Variants in DNAJB6 observed in about 807,000 individuals in gnomAD.
The protein encoded by DNAJB6 is dnaJ homolog subfamily B member 6.
Under a neutral mutation model 42.7 loss-of-function variants are expected in DNAJB6, and 16 were observed. The ratio of observed to expected loss-of-function variants is 0.37; its 90% CI spans 0.25 to 0.57. The LOEUF (loss-of-function observed/expected upper bound fraction) is 0.57, where lower values mean the gene tolerates loss of function less well. DNAJB6 is among the 20% of genes least tolerant of loss of function. The probability of loss-of-function intolerance (pLI) is 0.74; values close to 1 mark genes in which losing one functional copy is unlikely to be tolerated. For missense variants in DNAJB6, 347 were observed against 416.8 expected, an observed-to-expected ratio of 0.83 and a Z score of 1.46; for synonymous variants, 170 against 163.5, an observed-to-expected ratio of 1.04 and a Z score of -0.30.
chr7:157,395,169 C>T (rs1282532008), intron 8 of DNAJB6, among the ~76,000 whole-genome samples: 1 of 152,092 alleles, frequency 6.6e-6, no homozygotes, highest in Non-Finnish European at 1.5e-5. Context: ...CCGGTATTAC[C>T]AGGGCTGGAA....
chr7:157,373,373 CAG>C (rs895331893), intron 5 of DNAJB6, among the ~76,000 whole-genome samples: 7 of 152,178 alleles, frequency 4.6e-5, no homozygotes, highest in African/African-American at 1.7e-4. Context: ...CGCTCTGAGA[CAG>C]AGTTTTGCTC....
intron 2 of DNAJB6, among the ~76,000 whole-genome samples, chr7:157,360,660 T>A (rs750534339): frequency 6.6e-6 from 1 of 152,242 alleles, no homozygotes; most frequent in Non-Finnish European, 1.5e-5. Flanking sequence ...GTATAAATGC[T>A]GACTTTTAAA....
chr7:157,382,218 C>A (rs763581069), intron 5 of DNAJB6, 28 bp from the exon 6 acceptor site: 1 of 1,558,340 alleles, frequency 6.4e-7, no homozygotes, highest in South Asian at 1.2e-5. Context: ...AAAAAGACTT[C>A]ATAGTGTGTG....
In DNAJB6 at chr7:157,382,146, G is replaced by A. The variant is rs908350544; in HGVS notation, c.347-100G>A. On this transcript the variant is annotated intron_variant, in intron 5 of 9. Coordinates refer to ENST00000262177, the MANE Select transcript of DNAJB6 (RefSeq NM_058246.4). The stretch of plus-strand genomic sequence containing the variant: ...AAAACCTCTTAAGTTTTTTGTTCCT[G>A]AATATGTTACAAACATCTATTTTCT... The A allele has an allele frequency of 3.5e-5, 47 of 1,352,852 alleles. 1 individual carries two copies. Among genetic ancestry groups the A allele is most frequent in the Non-Finnish European group, 4.5e-5 (46 of 1,013,302 alleles). 83.8% of individuals were successfully genotyped at this position (1,352,852 alleles called of 1,614,324 possible). A position where few individuals can be genotyped will look rare whatever the true frequency, so the allele number is the denominator to read the frequency against.
intron 9 of DNAJB6, among the ~76,000 whole-genome samples, 168 bp from the exon 10 acceptor site, chr7:157,415,848 G>A (rs1279034589): frequency 6.6e-6 from 1 of 152,224 alleles, no homozygotes; most frequent in African/African-American, 2.4e-5. Flanking sequence ...AGTTCTCAAC[G>A]TGCACCTTGG....
intron 8 of DNAJB6, among the ~76,000 whole-genome samples, chr7:157,398,864 A>G (rs182575662): frequency 6.6e-6 from 1 of 152,360 alleles, no homozygotes; most frequent in East Asian, 1.9e-4. Flanking sequence ...TGTTTTTTCT[A>G]CAACTAATGT....
intron 8 of DNAJB6, among the ~76,000 whole-genome samples, chr7:157,400,236 G>GTACGCACT (rs1801784367): frequency 2.0e-5 from 3 of 149,124 alleles, no homozygotes; most frequent in Non-Finnish European, 3.0e-5. Context: ...CCGCGCCTTT[G>GTACGCACT]TGTATGTGCT....
intron 8 of DNAJB6, among the ~76,000 whole-genome samples, chr7:157,403,074 C>T (rs1356099714): frequency 3.9e-5 from 6 of 152,188 alleles, no homozygotes; most frequent in Non-Finnish European, 5.9e-5. Context: ...GGCGTCCCTA[C>T]ACGCAAGATG....
intron 6 of DNAJB6, among the ~76,000 whole-genome samples, chr7:157,383,611 TTGTGTGTGTG>T (rs57002445): frequency 0.046 from 6,861 of 149,628 alleles, 144 homozygotes; most frequent in Middle Eastern, 0.066. Context: ...GTATGTGTGT[TTGTGTGTGTG>T]TGTGTGTGTG....
intron 1 of DNAJB6, among the ~76,000 whole-genome samples, chr7:157,345,493 T>A (rs1798638165): frequency 6.6e-6 from 1 of 151,936 alleles, no homozygotes; most frequent in Non-Finnish European, 1.5e-5. Flanking sequence ...TTTTTTTATC[T>A]TTTTGTAGAG....
intron 6 of DNAJB6, among the ~76,000 whole-genome samples, chr7:157,383,990 G>A (rs2117084999): frequency 6.6e-6 from 1 of 152,252 alleles, no homozygotes; most frequent in Non-Finnish European, 1.5e-5. Flanking sequence ...TAACATACCT[G>A]GTTCACATAT....
At chr7:157,351,350 C>T (rs116761179) in intron 1 of DNAJB6, among the ~76,000 whole-genome samples, 1,688 of 152,070 alleles carry the variant, frequency 0.011, 31 homozygotes, top group East Asian at 0.06. Context: ...TGTTGTGGGC[C>T]GGGCACGGTG....
Position 157,403,842 on chromosome 7 carries a change from C to T in DNAJB6, c.692-5953C>T, listed in dbSNP as rs184548152. On this transcript the variant is annotated intron_variant, in intron 8 of 9. Coordinates refer to ENST00000262177, the MANE Select transcript of DNAJB6 (RefSeq NM_058246.4). The stretch of plus-strand genomic sequence containing the variant: ...AAGCGCAGCCCACCCTGTGTGGACT[C>T]GCAGCGGAAGCAGAGGCTGCTCCAG... Among the ~76,000 whole-genome samples the T allele has an allele frequency of 3.2e-4, 48 of 152,276 alleles. 1 individual carries two copies. Among genetic ancestry groups the T allele is most frequent in the Middle Eastern group, 6.8e-3 (2 of 294 alleles).
At chr7:157,345,361 G>A (rs1456095958) in intron 1 of DNAJB6, among the ~76,000 whole-genome samples, 2 of 152,038 alleles carry the variant, frequency 1.3e-5, no homozygotes, top group African/African-American at 4.8e-5. Context: ...TCTTGTCCAA[G>A]TTGGAGTGCA....
chr7:157,392,980 A>T (rs1392888656), intron 8 of DNAJB6, among the ~76,000 whole-genome samples: 2 of 151,790 alleles, frequency 1.3e-5, no homozygotes. Context: ...TATTATATTT[A>T]TTTTTTTGAG....
chr7:157,353,586 G>GGTGT (rs370854040), intron 1 of DNAJB6, among the ~76,000 whole-genome samples: 36,180 of 139,812 alleles, frequency 0.26, 5,183 homozygotes, highest in Admixed American at 0.34. Context: ...TCTTGACCGG[G>GGTGT]GTGTGTGTGT....
intron 8 of DNAJB6, among the ~76,000 whole-genome samples, chr7:157,405,632 G>A (rs1008749237): frequency 3.3e-5 from 5 of 152,198 alleles, no homozygotes; most frequent in Admixed American, 6.5e-5. Context: ...CTGTCATGGC[G>A]TGGAGCTCAC....
rs1800814582 is a variant in DNAJB6 at position 157,382,181 on chromosome 7, G to A, written c.347-65G>A. 8 of 1,489,864 alleles carry A rather than the reference G, an allele frequency of 5.4e-6. No homozygotes were observed. In the South Asian group the frequency reaches 8.1e-5, roughly 15 times the overall value. The allele number at this position is 1,489,864 out of a possible 1,614,324, so 92.3% of individuals were successfully genotyped here. On this transcript the variant is annotated intron_variant, in intron 5 of 9. Transcript: ENST00000262177. The stretch of plus-strand genomic sequence containing the variant: ...CAAACATCTATTTTCTCTTACTGTA[G>A]CTATCACATGAGGAAAAAAACTTGA...
intron 1 of DNAJB6, among the ~76,000 whole-genome samples, chr7:157,340,603 A>G (rs1185051077): frequency 3.3e-5 from 5 of 152,150 alleles, no homozygotes; most frequent in Non-Finnish European, 7.3e-5. Flanking sequence ...TTGTATGGAC[A>G]TAAATCACTG....
Sources: gnomAD v4.1 joint callset for allele counts (sites outside exome capture counted in the v4.1 genomes callset) on GRCh38, gnomAD v4.1.1 for gene constraint, MANE v1.5 for transcripts, NCBI Gene and HGNC (gene_info 2026-07-23, HGNC 2026-07-21) for gene names.